The following SYT9 variants were observed in gnomAD, a reference collection of about 807,000 sequenced individuals.
SYT9 encodes the protein synaptotagmin-9.
A neutral mutation model predicts 48.4 loss-of-function variants in SYT9; 22 were observed. That is an observed-to-expected ratio of 0.45 (90% CI 0.32 to 0.65). The LOEUF (loss-of-function observed/expected upper bound fraction) is 0.65, where lower values mean the gene tolerates loss of function less well. Among genes scored for constraint, SYT9 ranks in the 30% least tolerant of loss-of-function variants. The probability of loss-of-function intolerance (pLI) is 0.03; values close to 1 mark genes in which losing one functional copy is unlikely to be tolerated. For missense variants in SYT9, 577 were observed against 622.0 expected (o/e 0.93, Z 0.77); for synonymous variants, 265 against 245.0 (o/e 1.08, Z -0.76).
chr11:7,411,554 C>T (rs1847136701), intron 3 of SYT9, among the ~76,000 whole-genome samples: 1 of 152,042 alleles, frequency 6.6e-6, no homozygotes, highest in South Asian at 2.1e-4. Context: ...GTCTCTCTTG[C>T]CCTGTATTGT....
intron 1 of SYT9, among the ~76,000 whole-genome samples, chr11:7,299,629 C>T (rs150169087): frequency 5.9e-5 from 9 of 152,298 alleles, no homozygotes; most frequent in South Asian, 2.1e-4. Flanking sequence ...TCAAGGTAGA[C>T]GTAGCAGATA....
At chr11:7,294,724 C>T (rs1848762407) in intron 1 of SYT9, among the ~76,000 whole-genome samples, 1 of 152,200 alleles carries the variant, frequency 6.6e-6, no homozygotes, top group Admixed American at 6.5e-5. Context: ...GCCCCAGCTG[C>T]TTTGCCACAT....
intron 3 of SYT9, among the ~76,000 whole-genome samples, chr11:7,375,112 G>C (rs1794960305): frequency 6.6e-6 from 1 of 152,088 alleles, no homozygotes; most frequent in African/African-American, 2.4e-5. Flanking sequence ...GTAAGGAAGG[G>C]GTCCAGTCTC....
At chr11:7,390,700 A>G (rs187942954) in intron 3 of SYT9, among the ~76,000 whole-genome samples, 128 of 152,366 alleles carry the variant, frequency 8.4e-4, no homozygotes, top group Admixed American at 2.4e-3. Context: ...AGCACAAATA[A>G]TAGAATAGAA....
intron 1 of SYT9, among the ~76,000 whole-genome samples, chr11:7,269,482 A>T (rs533474736): frequency 1.3e-5 from 2 of 152,270 alleles, no homozygotes; most frequent in African/African-American, 4.8e-5. Context: ...TAGTCTGCCC[A>T]GGTCTGAGAG....
At chr11:7,433,623 G>A (rs373922356) in intron 6 of SYT9, among the ~76,000 whole-genome samples, 3 of 152,234 alleles carry the variant, frequency 2.0e-5, no homozygotes, top group East Asian at 3.9e-4. Flanking sequence ...AAACAATTAG[G>A]TTATGAGGGC....
chr11:7,401,366 A>G (rs1468881314), intron 3 of SYT9, among the ~76,000 whole-genome samples: 2 of 151,266 alleles, frequency 1.3e-5, no homozygotes, highest in African/African-American at 4.8e-5. Flanking sequence ...AAATATTTCA[A>G]AATCCAAAAA....
rs367967760 is a variant in SYT9, at chr11:7,446,186, A to G, written c.1468-20606A>G. ...CTGCAAAGGAAATGAAAAGCTCCCA[A>G]CTGCTGAAATCATGGAGCTGGAATA... On this transcript the variant is annotated intron_variant, in intron 6 of 6. Transcript: ENST00000318881. Among the ~76,000 whole-genome samples the G allele has an allele frequency of 3.9e-5, 6 of 152,372 alleles. No homozygotes were observed. The South Asian group carries it at 1.2e-3, about 32-fold the overall frequency.
chr11:7,375,058 C>G (rs1440856556), intron 3 of SYT9, among the ~76,000 whole-genome samples: 2 of 152,092 alleles, frequency 1.3e-5, no homozygotes, highest in Non-Finnish European at 2.9e-5. Context: ...TTAGGTCTTA[C>G]GTTTAAGTCT....
chr11:7,415,955 T>C (rs1590012225), intron 3 of SYT9, 87 bp from the exon 4 acceptor site: 2 of 1,536,898 alleles, frequency 1.3e-6, no homozygotes, highest in African/African-American at 1.4e-5. Context: ...GGGCAGTGTG[T>C]TCCCTTTCAG....
chr11:7,363,860 C>T (rs1850192205), intron 3 of SYT9, among the ~76,000 whole-genome samples: 4 of 151,744 alleles, frequency 2.6e-5, no homozygotes, highest in Admixed American at 2.6e-4. Context: ...TAGGTAGAGC[C>T]CTTGGTGCCT....
upstream of SYT9, among the ~76,000 whole-genome samples, chr11:7,250,818 T>C (rs1469901620): frequency 2.0e-5 from 3 of 151,998 alleles, no homozygotes; most frequent in East Asian, 5.8e-4. Flanking sequence ...TGGCTAAGAA[T>C]GATAGTTACC....
At chr11:7,443,744 G>A (rs895078562) in intron 6 of SYT9, among the ~76,000 whole-genome samples, 1 of 152,230 alleles carries the variant, frequency 6.6e-6, no homozygotes, top group African/African-American at 2.4e-5. Context: ...GTCCAATAGT[G>A]CAGGAGCCAT....
upstream of SYT9, among the ~76,000 whole-genome samples, chr11:7,249,577 G>T (rs958096668): frequency 6.6e-6 from 1 of 152,206 alleles, no homozygotes; most frequent in Non-Finnish European, 1.5e-5. Flanking sequence ...TTGGGATGTT[G>T]TAAGTAATAG....
intron 1 of SYT9, among the ~76,000 whole-genome samples, chr11:7,301,864 T>G (rs575323764): frequency 2.6e-5 from 4 of 152,214 alleles, no homozygotes; most frequent in Non-Finnish European, 5.9e-5. Flanking sequence ...AGATTGATGC[T>G]CAGCCTCCTT....
At chr11:7,386,041 A>G (rs1156291987) in intron 3 of SYT9, among the ~76,000 whole-genome samples, 2 of 152,214 alleles carry the variant, frequency 1.3e-5, no homozygotes, top group Non-Finnish European at 2.9e-5. Flanking sequence ...ACTTTGCTCA[A>G]TAATATTTTT....
At position 7,270,908 on chromosome 11, in the gene SYT9, T is replaced by A. The variant is rs968756153; in HGVS notation, c.145+18577T>A. 4.0e-5 allele frequency among the ~76,000 whole-genome samples: 6 copies of A among 151,748 alleles called. No individual in the cohort carries two copies. The East Asian group carries it at 1.2e-3, about 29-fold the overall frequency. On this transcript the variant is annotated intron_variant, in intron 1 of 6. Coordinates refer to ENST00000318881, the MANE Select transcript of SYT9 (RefSeq NM_175733.4). Reference sequence around the variant, plus strand: ...GAGAGTGTCATCAGGTGTGGAGAGTTTTTGCAGGTAACTGCAAAGCCTAAT... The same window carrying A: ...GAGAGTGTCATCAGGTGTGGAGAGTATTTGCAGGTAACTGCAAAGCCTAAT...
At chr11:7,416,346 G>A (rs1033195745) in intron 4 of SYT9, among the ~76,000 whole-genome samples, 184 bp downstream of exon 4, 6 of 152,152 alleles carry the variant, frequency 3.9e-5, no homozygotes, top group Non-Finnish European at 8.8e-5. Context: ...GATTCCCATC[G>A]GTAAGATGAG....
chr11:7,370,566 A>G (rs1358969235), intron 3 of SYT9, among the ~76,000 whole-genome samples: 5 of 152,312 alleles, frequency 3.3e-5, no homozygotes, highest in Non-Finnish European at 5.9e-5. Context: ...TTTTACACCT[A>G]AAATAGGTAG....
Sources: gnomAD v4.1 joint callset for allele counts (sites outside exome capture counted in the v4.1 genomes callset) on GRCh38, gnomAD v4.1.1 for gene constraint, MANE v1.5 for transcripts, NCBI Gene and HGNC (gene_info 2026-07-23, HGNC 2026-07-21) for gene names.